Variants in LY86 observed in about 807,000 individuals in gnomAD.
The protein encoded by LY86 is MD-1, RP105-associated.
LY86 carries 20 observed loss-of-function variants against 17.3 expected under a neutral mutation model. The ratio of observed to expected loss-of-function variants is 1.15; its 90% CI spans 0.81 to 1.68. LY86 has a LOEUF of 1.68. LY86 is among the 40% of genes most tolerant of loss of function. The pLI, the probability that LY86 is intolerant of heterozygous loss-of-function variation, is 0.00. For synonymous variants in LY86, 74 were observed against 70.6 expected (o/e 1.05, Z -0.24); for missense variants, 200 against 191.9 (o/e 1.04, Z -0.25).
At chr6:6,597,994 A>T (rs1482505803) in intron 1 of LY86, among the ~76,000 whole-genome samples, 1 of 152,232 alleles carries the variant, frequency 6.6e-6, no homozygotes, top group Admixed American at 6.5e-5. Context: ...CTTCCTAACC[A>T]TTAGAATCCT....
intron 1 of LY86, among the ~76,000 whole-genome samples, chr6:6,598,564 TA>T (rs1760790899): frequency 1.3e-5 from 2 of 152,264 alleles, no homozygotes; most frequent in Non-Finnish European, 2.9e-5. Context: ...TCTCTTTACT[TA>T]AATTTTACCT....
At chr6:6,652,965 AGG>A (rs1762210092) in intron 4 of LY86, among the ~76,000 whole-genome samples, 1 of 152,238 alleles carries the variant, frequency 6.6e-6, no homozygotes, top group Admixed American at 6.5e-5. Flanking sequence ...GTACATGAGG[AGG>A]AAGAGAACGA....
At chr6:6,620,238 C>T (rs1399165702) in intron 1 of LY86, among the ~76,000 whole-genome samples, 1 of 152,124 alleles carries the variant, frequency 6.6e-6, no homozygotes, top group African/African-American at 2.4e-5. Context: ...GTATTGTCCT[C>T]CATGTAAGAT....
At chr6:6,594,951 C>T (rs1760652068) in intron 1 of LY86, among the ~76,000 whole-genome samples, 1 of 152,128 alleles carries the variant, frequency 6.6e-6, no homozygotes, top group Non-Finnish European at 1.5e-5. Context: ...AGAGCTATGT[C>T]ATAGAACTCT....
intron 1 of LY86, among the ~76,000 whole-genome samples, chr6:6,604,955 G>C (rs563849386): frequency 6.6e-6 from 1 of 151,560 alleles, no homozygotes; most frequent in South Asian, 2.1e-4. Context: ...GTAGAACCTA[G>C]AATTCTATAT....
rs557783410 is a variant in LY86 at position 6,601,988 on chromosome 6, T to C, written c.136+13118T>C. On this transcript the variant is annotated intron_variant, in intron 1 of 4. Transcript: ENST00000230568. ...AAACCCATCTGGAAGCTAGGAACCG[T>C]AGAGGGGCTACCCATTTGCAGCGTC... Among the ~76,000 whole-genome samples the C allele has an allele frequency of 3.3e-5, 5 of 152,354 alleles. No individual in the cohort carries two copies. In the South Asian group the frequency reaches 1.0e-3, roughly 32 times the overall value.
chr6:6,604,701 G>C (rs1761040203), intron 1 of LY86, among the ~76,000 whole-genome samples: 1 of 152,174 alleles, frequency 6.6e-6, no homozygotes, highest in African/African-American at 2.4e-5. Context: ...ATTAGCCAGA[G>C]ATATCAGTGC....
chr6:6,608,287 A>G (rs1318908624), intron 1 of LY86, among the ~76,000 whole-genome samples: 2 of 152,256 alleles, frequency 1.3e-5, no homozygotes, highest in African/African-American at 2.4e-5. Context: ...AATTACTGGA[A>G]CTAATGAAAG....
intron 3 of LY86, among the ~76,000 whole-genome samples, chr6:6,629,047 T>C (rs1347627645): frequency 6.6e-6 from 1 of 152,216 alleles, no homozygotes; most frequent in Non-Finnish European, 1.5e-5. Flanking sequence ...CAGTTTGAGG[T>C]ATTCAATTCA....
chr6:6,605,623 G>A (rs560391023), intron 1 of LY86, among the ~76,000 whole-genome samples: 14 of 152,362 alleles, frequency 9.2e-5, no homozygotes, highest in African/African-American at 2.6e-4. Context: ...CATCTCAGAA[G>A]CAACATTCCA....
At chr6:6,650,338 T>C (rs1041257141) in intron 4 of LY86, among the ~76,000 whole-genome samples, 1 of 94,418 alleles carries the variant, frequency 1.1e-5, no homozygotes, top group African/African-American at 4.2e-5. Flanking sequence ...CCTCAGATAA[T>C]GGTTTTTTTT....
chr6:6,617,134 C>T (rs983326034), intron 1 of LY86, among the ~76,000 whole-genome samples: 1 of 152,216 alleles, frequency 6.6e-6, no homozygotes, highest in African/African-American at 2.4e-5. Flanking sequence ...ATTACCAACA[C>T]CAAGCCAAAG....
intron 1 of LY86, among the ~76,000 whole-genome samples, chr6:6,600,125 C>T (rs1760851648): frequency 6.6e-6 from 1 of 152,070 alleles, no homozygotes; most frequent in Admixed American, 6.6e-5. Context: ...ATAAGCAATT[C>T]CATAATTGTA....
chr6:6,606,524 G>T (rs1006207053), intron 1 of LY86, among the ~76,000 whole-genome samples: 1 of 152,180 alleles, frequency 6.6e-6, no homozygotes, highest in South Asian at 2.1e-4. Context: ...GTAGCAGGGG[G>T]CGGCGCTCGT....
intron 3 of LY86, among the ~76,000 whole-genome samples, chr6:6,629,670 C>A (rs1204299090): frequency 6.6e-6 from 1 of 152,196 alleles, no homozygotes; most frequent in African/African-American, 2.4e-5. Context: ...AAATAAAACA[C>A]AAAATGGGTC....
chr6:6,589,947 C>A (rs565859659), intron 1 of LY86, among the ~76,000 whole-genome samples: 16 of 151,926 alleles, frequency 1.1e-4, no homozygotes, highest in African/African-American at 3.6e-4. Context: ...CATGGAAAAA[C>A]CCTGTTTCTA....
chr6:6,606,055 T>C (rs925631338), intron 1 of LY86, among the ~76,000 whole-genome samples: 7 of 152,216 alleles, frequency 4.6e-5, no homozygotes, highest in South Asian at 2.1e-4. Context: ...AGGTTACTGC[T>C]GCTAGCGCGG....
chr6:6,626,547 C>T, intron 3 of LY86, 126 bp downstream of exon 3: 3 of 1,001,258 alleles, frequency 3.0e-6, no homozygotes, highest in Non-Finnish European at 1.5e-6. Flanking sequence ...CGAGCTTATC[C>T]TCACTTATCA....
intron 3 of LY86, among the ~76,000 whole-genome samples, chr6:6,649,398 G>A (rs1026137683): frequency 1.3e-5 from 2 of 152,166 alleles, no homozygotes; most frequent in African/African-American, 4.8e-5. Flanking sequence ...TTCATCCAAG[G>A]ATCCCCAGGG....
Sources: allele counts gnomAD v4.1 joint callset (sites outside exome capture counted in the v4.1 genomes callset), GRCh38; gene constraint gnomAD v4.1.1; transcripts MANE v1.5; gene names NCBI Gene and HGNC (gene_info 2026-07-23, HGNC 2026-07-21).